The following RBM33 variants were observed in gnomAD, a reference collection of about 807,000 sequenced individuals.
RBM33 encodes the protein RNA binding motif protein 33.
In RBM33, 28 loss-of-function variants were observed where a neutral mutation model predicts 132.6. The observed-to-expected ratio is 0.21, with a 90% CI of 0.16 to 0.29. The LOEUF (loss-of-function observed/expected upper bound fraction) is 0.29. Ranked by LOEUF, RBM33 falls within the 10% of genes least tolerant of loss-of-function variation. The pLI is 1.00. For synonymous variants in RBM33, 634 were observed against 593.0 expected (o/e 1.07, Z -1.01); for missense variants, 1,291 against 1,518.5 (o/e 0.85, Z 2.49).
Position 155,673,512 on chromosome 7 carries a change from A to G in RBM33, c.171+597A>G, listed in dbSNP as rs534172906. 1.7e-4 allele frequency among the ~76,000 whole-genome samples: 24 copies of G among 141,922 alleles called. 1 individual carries two copies. Among genetic ancestry groups the G allele is most frequent in the African/African-American group, 6.2e-4 (21 of 33,852 alleles). The allele number at this position is 141,922 out of a possible 152,430, so 93.1% of individuals were successfully genotyped here. A position where few individuals can be genotyped will look rare whatever the true frequency, so the allele number is the denominator to read the frequency against. Reference sequence around the variant, plus strand: ...TATATACACACATATATACATACACACGTGTATATATATACACACATATAT... The same window carrying G: ...TATATACACACATATATACATACACGCGTGTATATATATACACACATATAT... On this transcript the variant is annotated intron_variant, in intron 3 of 17. Coordinates refer to ENST00000401878, the MANE Select transcript of RBM33 (RefSeq NM_053043.3).
intron 9 of RBM33, among the ~76,000 whole-genome samples, chr7:155,726,036 C>T (rs1484063816): frequency 2.0e-5 from 3 of 152,178 alleles, no homozygotes; most frequent in Non-Finnish European, 4.4e-5. Context: ...TCAGGGGTCA[C>T]TAGTGACCTT....
intron 1 of RBM33, among the ~76,000 whole-genome samples, chr7:155,663,962 T>C (rs1585408967): frequency 6.6e-6 from 1 of 152,366 alleles, no homozygotes; most frequent in East Asian, 1.9e-4. Context: ...AAATACGTTG[T>C]CAAATTTAGT....
chr7:155,697,231 C>A (rs1799819081), intron 5 of RBM33, among the ~76,000 whole-genome samples: 1 of 152,128 alleles, frequency 6.6e-6, no homozygotes, highest in South Asian at 2.1e-4. Flanking sequence ...TGGAATTCTT[C>A]AGGTAAGATT....
chr7:155,771,408 G>A (rs1802422336), intron 16 of RBM33, among the ~76,000 whole-genome samples: 1 of 152,186 alleles, frequency 6.6e-6, no homozygotes, highest in Admixed American at 6.5e-5. Context: ...GTACAAAAAT[G>A]TAAGGAGAGA....
chr7:155,651,848 G>A (rs1030106470), intron 1 of RBM33, among the ~76,000 whole-genome samples: 9 of 152,116 alleles, frequency 5.9e-5, no homozygotes, highest in East Asian at 1.9e-4. Flanking sequence ...TGACCAATGA[G>A]GACTACACTT....
intron 14 of RBM33, among the ~76,000 whole-genome samples, chr7:155,751,207 C>G (rs1300081144): frequency 2.0e-5 from 3 of 152,154 alleles, no homozygotes; most frequent in Non-Finnish European, 4.4e-5. Context: ...TTATCAGATT[C>G]ACCAGTTGTT....
chr7:155,765,448 A>G (rs1247328532), intron 15 of RBM33, among the ~76,000 whole-genome samples: 2 of 152,192 alleles, frequency 1.3e-5, no homozygotes, highest in African/African-American at 2.4e-5. Context: ...TCAGAGTACT[A>G]AGAAATGTGG....
intron 5 of RBM33, among the ~76,000 whole-genome samples, chr7:155,695,226 T>G (rs1297504433): frequency 6.6e-6 from 1 of 152,162 alleles, no homozygotes; most frequent in Non-Finnish European, 1.5e-5. Flanking sequence ...GGTTGTCTTT[T>G]TATTTGTTTC....
chr7:155,734,257 G>A (rs1801044497), intron 9 of RBM33, among the ~76,000 whole-genome samples: 1 of 152,236 alleles, frequency 6.6e-6, no homozygotes, highest in Non-Finnish European at 1.5e-5. Context: ...TGTGGGTTGA[G>A]GATGTGTTCA....
rs945369746 is a variant in RBM33 at position 155,774,808 on chromosome 7, G to A, written c.3464+161G>A. Among the ~76,000 whole-genome samples, 5 of 152,204 alleles carry A rather than the reference G, an allele frequency of 3.3e-5. No individual in the cohort carries two copies. The highest frequency in any genetic ancestry group is 1.2e-4 in the African/African-American group (5 of 41,448). On this transcript the variant is annotated intron_variant, in intron 17 of 17. Transcript: ENST00000401878. The surrounding 1 kb of genome is among the most constrained non-coding windows in gnomAD (Gnocchi z 4.2). ...AGACGGTGATCCTGTCATGAGGCGC[G>A]CGTCCTTTTGTCTGGTGGAGAATTG... is the stretch of plus-strand genomic sequence containing the variant.
chr7:155,733,649 C>G (rs1801023873), intron 9 of RBM33, among the ~76,000 whole-genome samples: 1 of 152,180 alleles, frequency 6.6e-6, no homozygotes. Context: ...AGCATTGGTT[C>G]TTGACTGGCC....
At chr7:155,680,959 T>G (rs1799322234) in intron 5 of RBM33, 51 bp downstream of exon 5, 1 of 1,447,164 alleles carries the variant, frequency 6.9e-7, no homozygotes, top group South Asian at 1.3e-5. Flanking sequence ...TTCCCATGCA[T>G]AGGCTTCTAG....
chr7:155,766,776 A>C, intron 16 of RBM33, 121 bp downstream of exon 16: 1 of 956,952 alleles, frequency 1.0e-6, no homozygotes, highest in Non-Finnish European at 1.6e-6. Context: ...ATACTTGGGA[A>C]GTAAGACAAA....
chr7:155,698,558 T>C (rs1415745514), intron 5 of RBM33, among the ~76,000 whole-genome samples: 1 of 152,182 alleles, frequency 6.6e-6, no homozygotes. Flanking sequence ...GTTTGGTGGT[T>C]TGTCAGGTTA....
intron 9 of RBM33, among the ~76,000 whole-genome samples, chr7:155,727,535 G>A (rs1269758664): frequency 6.6e-6 from 1 of 152,212 alleles, no homozygotes; most frequent in Admixed American, 6.5e-5. Flanking sequence ...AACAGGAAAA[G>A]TGACACTGTG....
intron 9 of RBM33, among the ~76,000 whole-genome samples, chr7:155,720,669 T>C (rs1296647565): frequency 2.6e-5 from 4 of 152,232 alleles, no homozygotes; most frequent in Non-Finnish European, 5.9e-5. Context: ...ACTTATGTCC[T>C]TGAAGCTAAT....
intron 14 of RBM33, among the ~76,000 whole-genome samples, chr7:155,748,840 T>G (rs147220773): frequency 1.7e-4 from 26 of 152,272 alleles, no homozygotes; most frequent in African/African-American, 5.8e-4. Flanking sequence ...GCAGCATGAT[T>G]CCTGGTATTG....
intron 5 of RBM33, chr7:155,684,784 C>T (rs1799426547): frequency 4.8e-6 from 4 of 824,868 alleles, no homozygotes; most frequent in Non-Finnish European, 5.5e-6. Flanking sequence ...CCCTCTGTTT[C>T]TGGGCCTGGT....
In RBM33 at chr7:155,781,090, G is replaced by A. The variant is rs565156063; in HGVS notation, c.*6049G>A. Reference sequence around the variant, plus strand: ...CCGTGTGTTACTGCTTTGCCGACGGGGCCTCCCGGCCCTGATGCGTGTACA... The same window carrying A: ...CCGTGTGTTACTGCTTTGCCGACGGAGCCTCCCGGCCCTGATGCGTGTACA... On this transcript the variant is annotated 3_prime_UTR_variant, in exon 18 of 18. Transcript: ENST00000401878. 3 of 152,846 alleles carry A rather than the reference G, an allele frequency of 2.0e-5. No homozygotes were observed. In the South Asian group the frequency reaches 6.2e-4, roughly 32 times the overall value. The allele number at this position is 152,846 out of a possible 1,614,324, so 9.5% of individuals were successfully genotyped here.
Sources: allele counts gnomAD v4.1 joint callset (sites outside exome capture counted in the v4.1 genomes callset), GRCh38; gene constraint gnomAD v4.1.1; non-coding constraint Gnocchi (gnomAD v3.1); transcripts MANE v1.5; gene names NCBI Gene and HGNC (gene_info 2026-07-23, HGNC 2026-07-21).